Variants in TENM2 observed in about 807,000 individuals in gnomAD.
The protein encoded by TENM2 is teneurin-2.
A neutral mutation model predicts 245.2 loss-of-function variants in TENM2; 52 were observed. The observed-to-expected ratio is 0.21, with a 90% confidence interval of 0.17 to 0.27. The LOEUF (loss-of-function observed/expected upper bound fraction) is 0.27, where lower values mean the gene tolerates loss of function less well. Among genes scored for constraint, TENM2 ranks in the 10% least tolerant of loss-of-function variants. The pLI is 1.00. For missense variants in TENM2, 3,046 were observed against 3,666.8 expected (o/e 0.83, Z 4.37); for synonymous variants, 1,363 against 1,438.9 (o/e 0.95, Z 1.19).
chr5:168,176,883 G>A (rs79385125), intron 13 of TENM2, among the ~76,000 whole-genome samples: 10,348 of 152,238 alleles, frequency 0.068, 446 homozygotes, highest in Middle Eastern at 0.14. Flanking sequence ...CGCTGATATC[G>A]TTTTATCAGT....
chr5:167,366,588 AT>A (rs1458036891), intron 1 of TENM2, among the ~76,000 whole-genome samples: 1 of 152,158 alleles, frequency 6.6e-6, no homozygotes, highest in East Asian at 1.9e-4. Context: ...GTCGACAAGT[AT>A]TTTTAAAACA....
intron 8 of TENM2, among the ~76,000 whole-genome samples, chr5:168,093,598 T>C (rs1793130756): frequency 6.6e-6 from 1 of 152,176 alleles, no homozygotes; most frequent in Non-Finnish European, 1.5e-5. Context: ...GGAAGTCTTT[T>C]GATGTGTTTT....
the TENM2 span, among the ~76,000 whole-genome samples, chr5:167,192,255 A>G: frequency 2.0e-5 from 3 of 152,040 alleles, no homozygotes; most frequent in Non-Finnish European, 4.4e-5. Context: ...ATTCGTGTTG[A>G]TACAAGACAT....
chr5:167,812,941 G>A (rs753181117), intron 2 of TENM2, among the ~76,000 whole-genome samples: 1 of 152,134 alleles, frequency 6.6e-6, no homozygotes, highest in Non-Finnish European at 1.5e-5. Context: ...ACTTAGCACT[G>A]CAAAAAAGGC....
rs1582746687 is a variant in TENM2 at position 167,684,937 on chromosome 5, G to C, written c.503-191049G>C. On this transcript the variant is annotated intron_variant, in intron 2 of 28. Transcript: ENST00000518659. ...AGGTACATTGCTTGTAAGTGGAAAA[G>C]CTAAATTGGAACTCACATAAGATCT... 2.0e-5 allele frequency among the ~76,000 whole-genome samples: 3 copies of C among 152,292 alleles called. No homozygotes were observed. In the South Asian group the frequency reaches 6.2e-4, roughly 32 times the overall value.
the TENM2 span, among the ~76,000 whole-genome samples, chr5:167,058,588 A>G: frequency 1.3e-5 from 2 of 152,160 alleles, no homozygotes; most frequent in Admixed American, 6.5e-5. Flanking sequence ...GCAAGACCCT[A>G]TCTCTATAAA....
chr5:167,925,729 A>T (rs1049178228), intron 3 of TENM2, among the ~76,000 whole-genome samples: 2 of 152,216 alleles, frequency 1.3e-5, no homozygotes, highest in African/African-American at 4.8e-5. Context: ...GACAGATTGG[A>T]TTTTTAAAAT....
At chr5:168,049,361 G>A (rs1026426408) in intron 6 of TENM2, among the ~76,000 whole-genome samples, 2 of 152,178 alleles carry the variant, frequency 1.3e-5, no homozygotes, top group African/African-American at 2.4e-5. Context: ...TCAGAAGAAT[G>A]CATAACACAC....
At chr5:168,126,625 C>T in intron 11 of TENM2, 129 bp from the exon 14 acceptor site, 1 of 668,792 alleles carries the variant, frequency 1.5e-6, no homozygotes, top group East Asian at 2.8e-5. Context: ...GAGAGACAAG[C>T]CTCCAAAGAT....
intron 13 of TENM2, among the ~76,000 whole-genome samples, chr5:168,180,160 C>T (rs550108297): frequency 3.3e-5 from 5 of 152,180 alleles, no homozygotes; most frequent in South Asian, 2.1e-4. Context: ...TATGGCTGGT[C>T]CTTCCAAGAA....
At chr5:167,173,339 C>T in the TENM2 span, among the ~76,000 whole-genome samples, 6 of 152,146 alleles carry the variant, frequency 3.9e-5, no homozygotes, top group African/African-American at 7.2e-5. Flanking sequence ...AATAGAATAC[C>T]GACGAGAAAT....
At chr5:167,632,340 A>G (rs1778928989) in intron 2 of TENM2, among the ~76,000 whole-genome samples, 1 of 152,196 alleles carries the variant, frequency 6.6e-6, no homozygotes, top group Admixed American at 6.5e-5. Context: ...CTTAGAGAAA[A>G]TTGTTCTACA....
the TENM2 span, among the ~76,000 whole-genome samples, chr5:167,104,391 C>A: frequency 6.6e-6 from 1 of 152,148 alleles, no homozygotes; most frequent in Non-Finnish European, 1.5e-5. Flanking sequence ...GAATAAATTA[C>A]ACAGATCACT....
At chr5:167,567,368 T>A (rs1773971974) in intron 2 of TENM2, among the ~76,000 whole-genome samples, 1 of 152,154 alleles carries the variant, frequency 6.6e-6, no homozygotes, top group Non-Finnish European at 1.5e-5. Flanking sequence ...GTAAAAGGCT[T>A]ATTAAGATGA....
intron 27 of TENM2, among the ~76,000 whole-genome samples, chr5:168,253,663 G>A (rs968832621): frequency 1.3e-5 from 2 of 151,886 alleles, no homozygotes; most frequent in African/African-American, 2.4e-5. Context: ...CTGACCTTGT[G>A]ATTCGCCCGC....
At chr5:168,041,266 C>A (rs907883838) in intron 5 of TENM2, among the ~76,000 whole-genome samples, 2 of 152,154 alleles carry the variant, frequency 1.3e-5, no homozygotes, top group Non-Finnish European at 2.9e-5. Flanking sequence ...GCTCCTATTT[C>A]TTTATCTATA....
chr5:167,305,806 ACGTCATTGGGTG>A (rs1180794981), intron 1 of TENM2, among the ~76,000 whole-genome samples: 1 of 152,208 alleles, frequency 6.6e-6, no homozygotes, highest in East Asian at 1.9e-4. Flanking sequence ...TGCATTGAGT[ACGTCATTGGGTG>A]CCAGGGATCC....
chr5:168,095,724 A>G (rs558027670), intron 8 of TENM2, among the ~76,000 whole-genome samples: 36 of 152,322 alleles, frequency 2.4e-4, no homozygotes, highest in African/African-American at 8.7e-4. Flanking sequence ...CTCAGTTAGT[A>G]GACTGAATCA....
At chr5:167,739,241 T>G (rs1490038232) in intron 2 of TENM2, among the ~76,000 whole-genome samples, 1 of 152,212 alleles carries the variant, frequency 6.6e-6, no homozygotes. Context: ...CTATTTCTAT[T>G]TCTGGGCTTT....
Sources: allele counts gnomAD v4.1 joint callset (sites outside exome capture counted in the v4.1 genomes callset), GRCh38; gene constraint gnomAD v4.1.1; transcripts MANE v1.5; gene names NCBI Gene and HGNC (gene_info 2026-07-23, HGNC 2026-07-21).